The following ADARB2 variants were observed in gnomAD, a reference collection of about 807,000 sequenced individuals.
ADARB2 encodes the protein adenosine deaminase RNA specific B2 (inactive).
A neutral mutation model predicts 62.2 loss-of-function variants in ADARB2; 25 were observed. The observed-to-expected ratio is 0.40, with a 90% CI of 0.29 to 0.56. The LOEUF is 0.56. Ranked by LOEUF, ADARB2 falls within the 20% of genes least tolerant of loss-of-function variation. The pLI, the probability that ADARB2 is intolerant of heterozygous loss-of-function variation, is 0.43. For synonymous variants in ADARB2, 572 were observed against 500.8 expected (o/e 1.14, Z -1.90); for missense variants, 1,071 against 1,077.4 (o/e 0.99, Z 0.08).
chr10:1,705,296 T>A (rs940901097), intron 1 of ADARB2, among the ~76,000 whole-genome samples: 3 of 152,130 alleles, frequency 2.0e-5, no homozygotes, highest in East Asian at 3.9e-4. Flanking sequence ...GCCCACTCTA[T>A]GCCGGTTTTG....
In ADARB2 at chr10:1,590,858, G is replaced by A. The variant is rs112226746; in HGVS notation, c.100+146193C>T. Among the ~76,000 whole-genome samples, 837 of 152,268 alleles carry A rather than the reference G, an allele frequency of 5.5e-3. 4 individuals are homozygous for A. The highest frequency in any genetic ancestry group is 0.019 in the African/African-American group (769 of 41,532). ...CGGGAAACGCAGTCAGTAACCGTGCGTCGTCTGCTGCAGGAGCTGTGATGA... is the reference window on the plus strand; with the variant it reads ...CGGGAAACGCAGTCAGTAACCGTGCATCGTCTGCTGCAGGAGCTGTGATGA... On this transcript the variant is annotated intron_variant, in intron 1 of 9. Coordinates refer to ENST00000381312, the MANE Select transcript of ADARB2 (RefSeq NM_018702.4).
intron 1 of ADARB2, among the ~76,000 whole-genome samples, chr10:1,719,472 A>G (rs758734546): frequency 3.3e-5 from 5 of 152,248 alleles, no homozygotes; most frequent in Non-Finnish European, 7.3e-5. Flanking sequence ...CCCTAGCTCC[A>G]TTGAATCAGA....
rs1251344657 is a variant in ADARB2, at chr10:1,178,403, TG to T, written c.*4789del. The T allele has an allele frequency of 6.1e-5, 9 of 147,868 alleles. No homozygotes were observed. The highest frequency in any genetic ancestry group is 2.4e-4 in the African/African-American group (9 of 37,202). The allele number at this position is 147,868 out of a possible 1,614,324, so 9.2% of individuals were successfully genotyped here. ...CTCCACCGCATCTCTGGTTGGTCCCTGTGGCCTCTGCTCCTGCCTCCTCACT... is the reference window on the plus strand; with the variant it reads ...CTCCACCGCATCTCTGGTTGGTCCCTTGGCCTCTGCTCCTGCCTCCTCACT... On this transcript the variant is annotated 3_prime_UTR_variant, in exon 10 of 10. Coordinates refer to ENST00000381312, the MANE Select transcript of ADARB2 (RefSeq NM_018702.4).
intron 1 of ADARB2, among the ~76,000 whole-genome samples, chr10:1,530,226 G>A (rs910181232): frequency 2.0e-5 from 3 of 152,196 alleles, no homozygotes; most frequent in East Asian, 1.9e-4. Flanking sequence ...TTGCCCGACC[G>A]AAACGCCCCT....
rs1832896374 is a variant in ADARB2, at chr10:1,426,750, C to T, written c.101-47590G>A. On this transcript the variant is annotated intron_variant, in intron 1 of 9. Transcript: ENST00000381312. The surrounding 1 kb of genome is among the most constrained non-coding windows in gnomAD (Gnocchi z 4.1). ...CCAGGAGAGGCGGCAAGGCTGTGTG[C>T]AGACACTTTGCCCCTGGTTGACTCC... 6.6e-6 allele frequency among the ~76,000 whole-genome samples: 1 copy of T among 152,224 alleles called. No individual in the cohort carries two copies. The highest frequency in any genetic ancestry group is 2.4e-5 in the African/African-American group (1 of 41,456).
chr10:1,383,021 T>C (rs147704945), intron 1 of ADARB2, among the ~76,000 whole-genome samples: 167 of 152,338 alleles, frequency 1.1e-3, no homozygotes, highest in African/African-American at 3.8e-3. Flanking sequence ...AGGAAAGGTC[T>C]GATGGCCGTT....
At chr10:1,259,568 C>T (rs531852577) in intron 4 of ADARB2, among the ~76,000 whole-genome samples, 93 of 152,232 alleles carry the variant, frequency 6.1e-4, no homozygotes, top group South Asian at 5.8e-3. Flanking sequence ...ATAAATTCCT[C>T]GACACATACA....
intron 7 of ADARB2, among the ~76,000 whole-genome samples, chr10:1,200,780 A>C (rs554741989): frequency 2.0e-5 from 3 of 152,322 alleles, no homozygotes; most frequent in African/African-American, 7.2e-5. Context: ...GGGTGGCAAG[A>C]GGTTCCATGT....
intron 5 of ADARB2, 97 bp downstream of exon 5, chr10:1,242,034 G>T (rs1053008089): frequency 6.2e-6 from 8 of 1,297,968 alleles, no homozygotes; most frequent in Non-Finnish European, 8.4e-6. Context: ...AGGATAGAGG[G>T]AAGCGTGTTC....
intron 1 of ADARB2, among the ~76,000 whole-genome samples, chr10:1,692,739 T>TAATG (rs1834689298): frequency 6.6e-6 from 1 of 152,108 alleles, no homozygotes; most frequent in Admixed American, 6.5e-5. Flanking sequence ...ATAAATACAT[T>TAATG]AATGAATGAA....
At chr10:1,396,627 AGT>A (rs1832616801) in intron 1 of ADARB2, among the ~76,000 whole-genome samples, 2 of 149,384 alleles carry the variant, frequency 1.3e-5, no homozygotes, top group South Asian at 2.1e-4. Flanking sequence ...TCCCCTCCCG[AGT>A]GCAGGCTTCC....
intron 3 of ADARB2, among the ~76,000 whole-genome samples, chr10:1,312,061 CAT>C: frequency 6.6e-6 from 1 of 152,206 alleles, no homozygotes; most frequent in Non-Finnish European, 1.5e-5. Flanking sequence ...CAAATAAACT[CAT>C]GTGAAAATAA....
chr10:1,211,975 A>G lies in ADARB2; in HGVS notation c.1682+4976T>C, dbSNP rs373329985. On this transcript the variant is annotated intron_variant, in intron 7 of 9. Transcript: ENST00000381312. ...GCCTGCACATCTCACCATGGCCCTC[A>G]GGATGACGCTGGCTCCTGTGCATCC... Among the ~76,000 whole-genome samples the G allele has an allele frequency of 2.2e-4, 34 of 152,350 alleles. No homozygotes were observed. In the East Asian group the frequency reaches 2.5e-3, roughly 11 times the overall value.
chr10:1,271,081 A>G lies in ADARB2; in HGVS notation c.1078-12T>C. 3.7e-6 allele frequency: 6 copies of G among 1,610,916 alleles called. No homozygotes were observed. Among genetic ancestry groups the G allele is most frequent in the Non-Finnish European group, 5.1e-6 (6 of 1,177,712 alleles). ...GAGTCTGCGAATTCCTGAAAGACAC[A>G]AGCACAGGCCTCCACGTTGGGCTGA... On this transcript the variant is annotated splice_polypyrimidine_tract_variant and intron_variant, in intron 3 of 9. Transcript: ENST00000381312.
At chr10:1,674,474 G>T (rs960699490) in intron 1 of ADARB2, among the ~76,000 whole-genome samples, 11 of 152,198 alleles carry the variant, frequency 7.2e-5, no homozygotes, top group African/African-American at 2.4e-4. Context: ...TATTGATCTG[G>T]CTTGTAGTAA....
At chr10:1,626,215 G>C (rs1216867450) in intron 1 of ADARB2, among the ~76,000 whole-genome samples, 2 of 143,654 alleles carry the variant, frequency 1.4e-5, no homozygotes, top group Non-Finnish European at 3.0e-5. Context: ...CTCCTGCATG[G>C]ACACAGGCCT....
At chr10:1,722,624 G>T (rs748442061) in intron 1 of ADARB2, among the ~76,000 whole-genome samples, 16 of 152,142 alleles carry the variant, frequency 1.1e-4, no homozygotes, top group Non-Finnish European at 2.2e-4. Context: ...TTTCTTGGTA[G>T]CACATCAACT....
rs1173166109 is a variant in ADARB2, at chr10:1,426,742, G to T, written c.101-47582C>A. ...GGGCTGGCCCAGGAGAGGCGGCAAG[G>T]CTGTGTGCAGACACTTTGCCCCTGG... On this transcript the variant is annotated intron_variant, in intron 1 of 9. Transcript: ENST00000381312. This position sits in a 1 kb window ranked among gnomAD's most constrained non-coding sequence, Gnocchi z 4.1. Among the ~76,000 whole-genome samples, 2 of 152,226 alleles carry T rather than the reference G, an allele frequency of 1.3e-5. No homozygotes were observed. The highest frequency in any genetic ancestry group is 3.9e-4 in the East Asian group (2 of 5,188).
At chr10:1,360,059 G>A (rs531745102) in intron 3 of ADARB2, among the ~76,000 whole-genome samples, 3 of 152,350 alleles carry the variant, frequency 2.0e-5, no homozygotes, top group Admixed American at 1.3e-4. Flanking sequence ...GGCTTCTACC[G>A]AAACACCATG....
Sources: allele counts gnomAD v4.1 joint callset (sites outside exome capture counted in the v4.1 genomes callset), GRCh38; gene constraint gnomAD v4.1.1; non-coding constraint Gnocchi (gnomAD v3.1); transcripts MANE v1.5; gene names NCBI Gene and HGNC (gene_info 2026-07-23, HGNC 2026-07-21).